The following SGCD variants were observed in gnomAD, a reference collection of about 807,000 sequenced individuals.
SGCD encodes the protein sarcoglycan delta, also known as delta-sarcoglycan.
SGCD carries 18 observed loss-of-function variants against 36.6 expected under a neutral mutation model. The ratio of observed to expected loss-of-function variants is 0.49; its 90% CI spans 0.34 to 0.73. SGCD has a LOEUF of 0.73. Among genes scored for constraint, SGCD ranks in the 30% least tolerant of loss-of-function variants. The probability of loss-of-function intolerance (pLI) is 0.01; values close to 1 mark genes in which losing one functional copy is unlikely to be tolerated. For synonymous variants in SGCD, 133 were observed against 130.6 expected (o/e 1.02, Z -0.12); for missense variants, 387 against 346.7 (o/e 1.12, Z -0.92).
At chr5:155,944,522 G>A (rs1053949123) in intron 1 of SGCD, among the ~76,000 whole-genome samples, 2 of 152,084 alleles carry the variant, frequency 1.3e-5, no homozygotes, top group African/African-American at 4.8e-5. Context: ...GGGTCACATG[G>A]CATCAAAAGT....
intron 1 of SGCD, among the ~76,000 whole-genome samples, chr5:156,114,194 G>A (rs1761856290): frequency 6.6e-6 from 1 of 152,148 alleles, no homozygotes; most frequent in South Asian, 2.1e-4. Flanking sequence ...TCAATTGTAA[G>A]AAATGTAGCA....
intron 4 of SGCD, among the ~76,000 whole-genome samples, chr5:156,521,547 A>T (rs114993688): frequency 6.6e-6 from 1 of 152,232 alleles, no homozygotes; most frequent in East Asian, 1.9e-4. Context: ...GGACACGAAC[A>T]GACAGTTCTC....
At chr5:156,536,211 CATTCTT>C in intron 4 of SGCD, among the ~76,000 whole-genome samples, 1 of 152,224 alleles carries the variant, frequency 6.6e-6, no homozygotes, top group Admixed American at 6.5e-5. Flanking sequence ...ATCCTCCTGA[CATTCTT>C]ATAAGGTCGT....
chr5:155,989,998 T>C (rs988080883), intron 1 of SGCD, among the ~76,000 whole-genome samples: 1 of 152,190 alleles, frequency 6.6e-6, no homozygotes, highest in Non-Finnish European at 1.5e-5. Context: ...TTCTTCACTC[T>C]TCCAAACCAA....
At chr5:156,739,451 CA>C (rs2113069632) in intron 7 of SGCD, among the ~76,000 whole-genome samples, 1 of 152,212 alleles carries the variant, frequency 6.6e-6, no homozygotes, top group East Asian at 1.9e-4. Context: ...TAAATAATTG[CA>C]AATTGCGTCC....
the SGCD span, among the ~76,000 whole-genome samples, chr5:155,801,770 TGAG>T: frequency 6.6e-6 from 1 of 152,206 alleles, no homozygotes; most frequent in African/African-American, 2.4e-5. Context: ...AACTTGGAAT[TGAG>T]GAGAAAGAAT....
intron 1 of SGCD, among the ~76,000 whole-genome samples, chr5:156,075,676 T>TAA (rs1760759113): frequency 1.3e-5 from 2 of 152,218 alleles, no homozygotes; most frequent in South Asian, 4.1e-4. Flanking sequence ...ATGGAAGACT[T>TAA]AAGAGTCCTT....
chr5:156,671,844 C>A (rs1042328790), intron 7 of SGCD, among the ~76,000 whole-genome samples: 1 of 152,058 alleles, frequency 6.6e-6, no homozygotes, highest in Non-Finnish European at 1.5e-5. Flanking sequence ...CCTCAGGAAG[C>A]TTTTACCTGT....
intron 6 of SGCD, among the ~76,000 whole-genome samples, chr5:156,646,292 T>C (rs1394481294): frequency 5.3e-5 from 8 of 152,156 alleles, no homozygotes; most frequent in African/African-American, 1.9e-4. Context: ...TCAGAACCTA[T>C]CTCCCTAGAT....
At chr5:156,354,761 C>T (rs1484400978) in intron 3 of SGCD, among the ~76,000 whole-genome samples, 1 of 152,120 alleles carries the variant, frequency 6.6e-6, no homozygotes, top group Non-Finnish European at 1.5e-5. Flanking sequence ...TTCATGCTGA[C>T]TGAGTTATTA....
At chr5:155,813,950 G>A in the SGCD span, among the ~76,000 whole-genome samples, 1 of 152,110 alleles carries the variant, frequency 6.6e-6, no homozygotes, top group African/African-American at 2.4e-5. Context: ...CAGCCCTCCG[G>A]TAAACATTGA....
At chr5:156,736,751 C>T (rs1756389981) in intron 7 of SGCD, among the ~76,000 whole-genome samples, 2 of 152,254 alleles carry the variant, frequency 1.3e-5, no homozygotes, top group South Asian at 2.1e-4. Context: ...ACTCGCGGGA[C>T]CATATGAAAG....
At chr5:156,396,537 G>A (rs975984925) in intron 3 of SGCD, among the ~76,000 whole-genome samples, 1 of 152,138 alleles carries the variant, frequency 6.6e-6, no homozygotes, top group Non-Finnish European at 1.5e-5. Flanking sequence ...CTTCTCAACC[G>A]AGGGATGCTG....
At chr5:156,136,658 A>G (rs1762466230) in intron 3 of SGCD, among the ~76,000 whole-genome samples, 2 of 152,352 alleles carry the variant, frequency 1.3e-5, no homozygotes, top group East Asian at 3.9e-4. Context: ...AAGATTCCAT[A>G]TAAGGAAGTG....
At chr5:156,166,126 T>A (rs971993769) in intron 3 of SGCD, among the ~76,000 whole-genome samples, 4 of 152,204 alleles carry the variant, frequency 2.6e-5, no homozygotes, top group Non-Finnish European at 4.4e-5. Context: ...ATCAGAGGGC[T>A]CTAGAATTTA....
chr5:156,729,399 C>G (rs1393634075), intron 7 of SGCD, among the ~76,000 whole-genome samples: 3 of 152,164 alleles, frequency 2.0e-5, no homozygotes, highest in African/African-American at 7.2e-5. Context: ...ATACTTCTAA[C>G]AGTGGCTTAA....
intron 3 of SGCD, among the ~76,000 whole-genome samples, chr5:156,354,904 G>A (rs190486622): frequency 1.9e-4 from 29 of 152,206 alleles, no homozygotes; most frequent in Admixed American, 5.9e-4. Flanking sequence ...AATATGAGTT[G>A]GTTTCCCATC....
intron 1 of SGCD, among the ~76,000 whole-genome samples, chr5:156,070,502 GC>G (rs1037283277): frequency 3.3e-5 from 5 of 149,770 alleles, no homozygotes. Flanking sequence ...TGACTGATAA[GC>G]TTTTTGATGT....
At chr5:156,598,270 G>T (rs917108257) in intron 6 of SGCD, among the ~76,000 whole-genome samples, 1 of 152,096 alleles carries the variant, frequency 6.6e-6, no homozygotes, top group African/African-American at 2.4e-5. Flanking sequence ...TGGGCCAGGC[G>T]CAGTGGCTCA....
Sources: allele counts gnomAD v4.1 joint callset (sites outside exome capture counted in the v4.1 genomes callset), GRCh38; gene constraint gnomAD v4.1.1; transcripts MANE v1.5; gene names NCBI Gene and HGNC (gene_info 2026-07-23, HGNC 2026-07-21).